The following ATP2B3 variants were observed in gnomAD, a reference collection of about 807,000 sequenced individuals.
The protein encoded by ATP2B3 is plasma membrane calcium-transporting ATPase 3.
Under a neutral mutation model 70.8 loss-of-function variants are expected in ATP2B3, and 12 were observed. The observed-to-expected ratio is 0.17, with a 90% CI of 0.11 to 0.27. The LOEUF (loss-of-function observed/expected upper bound fraction) is 0.27. ATP2B3 is among the 10% of genes least tolerant of loss of function. The probability of loss-of-function intolerance (pLI) is 1.00; values close to 1 mark genes in which losing one functional copy is unlikely to be tolerated. For missense variants in ATP2B3, 858 were observed against 1,118.5 expected (o/e 0.77, Z 3.32); for synonymous variants, 460 against 497.8 (o/e 0.92, Z 1.01).
intron 10 of ATP2B3, 128 bp downstream of exon 10, chrX:153,548,982 G>A (rs1173497374): frequency 1.1e-5 from 7 of 659,377 alleles, no homozygotes; most frequent in Admixed American, 1.0e-4. Context: ...AGGAGGTGCC[G>A]AGCAGGGACC....
chrX:153,578,103 G>T (rs1302255131), intron 21 of ATP2B3, among the ~76,000 whole-genome samples: 1 of 112,737 alleles, frequency 8.9e-6, no homozygotes, highest in African/African-American at 3.2e-5. Context: ...CCTGGTCTCT[G>T]CTGCCGTGAC....
rs184789703 is a variant in ATP2B3 at position 153,573,377 on chromosome X, T to C, written c.3343-6601T>C. On this transcript the variant is annotated intron_variant, in intron 21 of 21. Coordinates refer to ENST00000263519, the MANE Select transcript of ATP2B3 (RefSeq NM_001001344.3). ...TCTTGTTTTCTGGAGTTTGCTCCATTCTCAGGAAGGTCATGTGCTTTGAGC... is the reference window on the plus strand; with the variant it reads ...TCTTGTTTTCTGGAGTTTGCTCCATCCTCAGGAAGGTCATGTGCTTTGAGC... Among the ~76,000 whole-genome samples, 3 of 112,477 alleles carry C rather than the reference T, an allele frequency of 2.7e-5. No individual in the cohort carries two copies. In the East Asian group the frequency reaches 8.4e-4, roughly 32 times the overall value.
At chrX:153,562,081 G>A (rs2090633802) in intron 19 of ATP2B3, 54 bp from the exon 20 acceptor site, 6 of 1,104,489 alleles carry the variant, frequency 5.4e-6, no homozygotes, top group Non-Finnish European at 7.5e-6. Context: ...TGGAGGACAA[G>A]GGTGGCTCAG....
intron 2 of ATP2B3, among the ~76,000 whole-genome samples, chrX:153,524,238 CTGTGTG>C (rs10701340): frequency 2.1e-4 from 22 of 106,199 alleles, no homozygotes; most frequent in Non-Finnish European, 5.8e-5. Context: ...GTGTGTGTGT[CTGTGTG>C]TGTGTGTGTG....
chrX:153,578,763 G>A (rs1250702906), intron 21 of ATP2B3, among the ~76,000 whole-genome samples: 3 of 112,257 alleles, frequency 2.7e-5, no homozygotes, highest in South Asian at 3.7e-4. Context: ...AACACAGAGC[G>A]GAGCCCGGGA....
chrX:153,548,628 G>C lies in ATP2B3; in HGVS notation c.1124-12G>C. ...TGGCAACCCCTTTCGTCTCCTCCCCGCTCTGTGGCAGGGCTGGTGATGTCT... is the reference window on the plus strand; with the variant it reads ...TGGCAACCCCTTTCGTCTCCTCCCCCCTCTGTGGCAGGGCTGGTGATGTCT... On this transcript the variant is annotated splice_polypyrimidine_tract_variant and intron_variant, in intron 9 of 21. Coordinates refer to ENST00000263519, the MANE Select transcript of ATP2B3 (RefSeq NM_001001344.3). The C allele has an allele frequency of 1.7e-6, 2 of 1,203,419 alleles. No homozygotes were observed. Among genetic ancestry groups the C allele is most frequent in the African/African-American group, 3.5e-5 (2 of 57,191 alleles).
At chrX:153,547,709 A>G (rs2090390492) in intron 8 of ATP2B3, 126 bp from the exon 9 acceptor site, 13 of 844,840 alleles carry the variant, frequency 1.5e-5, no homozygotes, top group Non-Finnish European at 2.1e-5. Flanking sequence ...ACTTGGAAAT[A>G]GGAGAGCTCC....
intron 21 of ATP2B3, among the ~76,000 whole-genome samples, chrX:153,568,900 G>A (rs1421931682): frequency 1.8e-5 from 2 of 112,730 alleles, no homozygotes; most frequent in Admixed American, 9.3e-5. Context: ...CCAGTGAGAC[G>A]GACATGAGTC....
chrX:153,548,052 G>T (rs1158811193), intron 9 of ATP2B3, 53 bp downstream of exon 9: 1 of 1,153,303 alleles, frequency 8.7e-7, no homozygotes, highest in African/African-American at 1.8e-5. Context: ...CGTGGAGGAT[G>T]CTGGGCTCCT....
chrX:153,536,841 G>T (rs1315946292), intron 3 of ATP2B3, among the ~76,000 whole-genome samples: 1 of 112,573 alleles, frequency 8.9e-6, no homozygotes, highest in Non-Finnish European at 1.9e-5. Context: ...TCACTTAAGG[G>T]GGATCAGAAC....
chrX:153,573,962 C>T (rs1407271309), intron 21 of ATP2B3, among the ~76,000 whole-genome samples: 1 of 112,842 alleles, frequency 8.9e-6, no homozygotes, highest in African/African-American at 3.2e-5. Flanking sequence ...CATGTCTTGT[C>T]TTTTCCGTTC....
chrX:153,566,803 C>G (rs782063397), intron 21 of ATP2B3, among the ~76,000 whole-genome samples: 1 of 111,604 alleles, frequency 9.0e-6, no homozygotes, highest in Non-Finnish European at 1.9e-5. Flanking sequence ...CCCCAACTCC[C>G]GCTGCGTCCC....
chrX:153,558,947 A>G (rs1249493568), intron 17 of ATP2B3, among the ~76,000 whole-genome samples: 1 of 111,417 alleles, frequency 9.0e-6, no homozygotes, highest in Admixed American at 9.5e-5. Flanking sequence ...CATTTTCCCC[A>G]TTGGTGAGTG....
In ATP2B3 at chrX:153,580,255, C is replaced by T; in HGVS notation, c.3620C>T (p.Ser1207Phe). 8.3e-7 allele frequency: 1 copy of T among 1,209,710 alleles called. No individual in the cohort carries two copies. Among genetic ancestry groups the T allele is most frequent in the African/African-American group, 1.7e-5 (1 of 57,554 alleles). The change falls in exon 22 of 22, where the codon TCC becomes TTC. Residue 1207 changes from serine to phenylalanine, a missense_variant. By Grantham distance (155) the Ser-to-Phe change is radical. This residue lies in a region of ATP2B3 where 265 missense variants were observed against 305.3 expected (regional missense o/e 0.87). Coordinates refer to ENST00000263519, the MANE Select transcript of ATP2B3 (RefSeq NM_001001344.3). ...TCAGCTACCTCTTCAGTGTTTTCCT[C>T]CAGTCCCGGGAGCCCGCTCCACAGC... ...TKSATSSVFS[S>F]SPGSPLHSVE...
chrX:153,555,857 T>C (rs1310594848), intron 13 of ATP2B3, among the ~76,000 whole-genome samples, 192 bp from the exon 14 acceptor site: 1 of 112,809 alleles, frequency 8.9e-6, no homozygotes, highest in Non-Finnish European at 1.9e-5. Context: ...TATTCCACAA[T>C]AGGCTTTGTG....
In ATP2B3 at chrX:153,541,479, C is replaced by A. The variant is rs1250489397; in HGVS notation, c.329C>A (p.Thr110Asn). 2 of 1,210,157 alleles carry A rather than the reference C, an allele frequency of 1.7e-6. No individual in the cohort carries two copies. The highest frequency in any genetic ancestry group is 2.2e-6 in the Non-Finnish European group (2 of 895,270). ...QLVWEALQDV[T>N]LIILEVAAIV... The stretch of plus-strand genomic sequence containing the variant: ...GTGTGGGAGGCCCTGCAGGACGTGA[C>A]CCTCATCATCCTGGAGGTGGCTGCC... Residue 110 changes from threonine (T) to asparagine (N), a missense_variant, in exon 4 of 22, where the codon ACC (threonine) becomes AAC (asparagine). By Grantham distance (65) the Thr-to-Asn change is moderately conservative. Transcript: ENST00000263519.
chrX:153,520,313 G>C (rs997985424), intron 2 of ATP2B3, among the ~76,000 whole-genome samples: 1 of 112,642 alleles, frequency 8.9e-6, no homozygotes, highest in Admixed American at 9.3e-5. Context: ...AGCCCCAGGG[G>C]CTTCTGAGAG....
intron 10 of ATP2B3, 127 bp downstream of exon 10, chrX:153,548,981 C>T (rs782324591): frequency 1.1e-5 from 7 of 657,859 alleles, no homozygotes; most frequent in South Asian, 8.7e-5. Flanking sequence ...GAGGAGGTGC[C>T]GAGCAGGGAC....
At chrX:153,545,491 C>T (rs1028008661) in intron 7 of ATP2B3, among the ~76,000 whole-genome samples, 1 of 112,854 alleles carries the variant, frequency 8.9e-6, no homozygotes, top group Non-Finnish European at 1.9e-5. Context: ...GCCAACATGG[C>T]GAAACCCCGT....
Sources: gnomAD v4.1 joint callset for allele counts (sites outside exome capture counted in the v4.1 genomes callset) on GRCh38, gnomAD v4.1.1 for gene constraint, gnomAD v4.1.1 regional missense constraint, MANE v1.5 for transcripts, NCBI Gene and HGNC (gene_info 2026-07-23, HGNC 2026-07-21) for gene names.